ARMH1: variants seen among roughly 807,000 people sequenced by gnomAD.
ARMH1 encodes the protein armadillo-like helical domain containing protein 1.
Under a neutral mutation model 50.2 loss-of-function variants are expected in ARMH1, and 34 were observed. That is an observed-to-expected ratio of 0.68 (90% CI 0.51 to 0.90). The LOEUF is 0.90. ARMH1 is among the 40% of genes least tolerant of loss of function. The pLI, the probability that ARMH1 is intolerant of heterozygous loss-of-function variation, is 0.00. For missense variants in ARMH1, 538 were observed against 553.9 expected (o/e 0.97, Z 0.29); for synonymous variants, 221 against 224.2 (o/e 0.99, Z 0.13).
At chr1:44,720,268 C>T (rs1052701867) in intron 6 of ARMH1, among the ~76,000 whole-genome samples, 4 of 151,670 alleles carry the variant, frequency 2.6e-5, no homozygotes, top group Non-Finnish European at 5.9e-5. Flanking sequence ...TTCTGGCTCT[C>T]CAGCCTGTCC....
At chr1:44,709,397 G>A (rs1646479303) in intron 6 of ARMH1, among the ~76,000 whole-genome samples, 2 of 152,206 alleles carry the variant, frequency 1.3e-5, no homozygotes, top group Non-Finnish European at 2.9e-5. Context: ...TCTCAGGCAG[G>A]CGCGGTGGCT....
At chr1:44,706,534 G>C (rs1400014529) in intron 6 of ARMH1, among the ~76,000 whole-genome samples, 2 of 152,182 alleles carry the variant, frequency 1.3e-5, no homozygotes, top group East Asian at 3.8e-4. Flanking sequence ...ACGCAAGTGA[G>C]ATCCTGGGGA....
rs1034234871 is a variant in ARMH1 at position 44,724,568 on chromosome 1, C to T, written c.950C>T (p.Ala317Val). The change falls in exon 9 of 12, where the codon GCC becomes GTC. Residue 317 changes from alanine (A) to valine (V), a missense_variant. Coordinates refer to ENST00000535358, the MANE Select transcript of ARMH1 (RefSeq NM_001145636.2). This position sits in a 1 kb window ranked among gnomAD's most constrained non-coding sequence, Gnocchi z 6.4. ...CTGGCGCGCAACGACATGAGCATCG[C>T]CGAGGAGCTGCTGTACCTGCGCGTG... ...GVLARNDMSI[A>V]EELLYLRVVR... is the part of the protein sequence containing the mutation. 2 of 1,515,556 alleles carry T rather than the reference C, an allele frequency of 1.3e-6. No homozygotes were observed. Among genetic ancestry groups the T allele is most frequent in the Admixed American group, 4.1e-5 (2 of 48,614 alleles). The allele number at this position is 1,515,556 out of a possible 1,614,324, so 93.9% of individuals were successfully genotyped here. A position where few individuals can be genotyped will look rare whatever the true frequency, so the allele number is the denominator to read the frequency against.
At chr1:44,687,973 C>T (rs1645530884) in intron 1 of ARMH1, among the ~76,000 whole-genome samples, 1 of 152,146 alleles carries the variant, frequency 6.6e-6, no homozygotes, top group South Asian at 2.1e-4. Flanking sequence ...TAAGGCAGGG[C>T]AAGGGCACAC....
intron 6 of ARMH1, among the ~76,000 whole-genome samples, chr1:44,714,954 C>G (rs540963221): frequency 3.6e-4 from 55 of 151,978 alleles, no homozygotes; most frequent in African/African-American, 1.3e-3. Context: ...CTTGACAGCT[C>G]ACTGCAGCCT....
chr1:44,711,167 A>G (rs1646597304), intron 6 of ARMH1, among the ~76,000 whole-genome samples: 1 of 152,208 alleles, frequency 6.6e-6, no homozygotes, highest in Non-Finnish European at 1.5e-5. Context: ...ATCCACATAC[A>G]TGTAATTGAG....
At chr1:44,697,322 C>T (rs1347885361) in intron 3 of ARMH1, among the ~76,000 whole-genome samples, 152 bp downstream of exon 3, 1 of 152,000 alleles carries the variant, frequency 6.6e-6, no homozygotes, top group Non-Finnish European at 1.5e-5. Context: ...GTCCACCGGG[C>T]TCCTGCTCTA....
intron 6 of ARMH1, among the ~76,000 whole-genome samples, chr1:44,720,270 A>G (rs891438890): frequency 2.0e-5 from 3 of 150,848 alleles, no homozygotes; most frequent in African/African-American, 7.3e-5. Context: ...CTGGCTCTCC[A>G]GCCTGTCCAA....
intron 2 of ARMH1, among the ~76,000 whole-genome samples, chr1:44,691,726 C>T (rs2093721031): frequency 6.6e-6 from 1 of 152,162 alleles, no homozygotes; most frequent in African/African-American, 2.4e-5. Flanking sequence ...AGTTCCATAC[C>T]TATATATCCA....
intron 1 of ARMH1, among the ~76,000 whole-genome samples, chr1:44,686,298 C>G (rs1645470292): frequency 6.6e-6 from 1 of 152,132 alleles, no homozygotes; most frequent in Admixed American, 6.5e-5. Context: ...AAAAAAATGA[C>G]AATTATTAAC....
At chr1:44,719,096 G>T (rs557305438) in intron 6 of ARMH1, among the ~76,000 whole-genome samples, 2 of 151,666 alleles carry the variant, frequency 1.3e-5, no homozygotes, top group African/African-American at 4.9e-5. Context: ...GGTCCTCAGA[G>T]GAAAGGGTCT....
Position 44,724,440 on chromosome 1 carries a change from G to A in ARMH1, c.920+48G>A. The A allele has an allele frequency of 6.5e-7, 1 of 1,537,172 alleles. No homozygotes were observed. Among genetic ancestry groups the A allele is most frequent in the Middle Eastern group, 2.3e-4 (1 of 4,372 alleles). On this transcript the variant is annotated intron_variant, in intron 8 of 11. Transcript: ENST00000535358. The surrounding 1 kb of genome is among the most constrained non-coding windows in gnomAD (Gnocchi z 6.4). ...GTAGCTGCAGCAAGCCTGGCTTGGC[G>A]CTGCCGGCGGGCCCCGGGAGCGCTC...
Position 44,725,303 on chromosome 1 carries a change from A to C in ARMH1, c.1223A>C (p.His408Pro). The change falls in exon 12 of 12, where the codon CAT becomes CCT. Residue 408 changes from histidine to proline, a missense_variant. Coordinates refer to ENST00000535358, the MANE Select transcript of ARMH1 (RefSeq NM_001145636.2). Reference protein sequence around the residue: ...TVNVTKALCLHGSSYSMNTLY... With the variant: ...TVNVTKALCLPGSSYSMNTLY... ...TTCCTGCCTGCAGCCCTGTGCCTCC[A>C]TGGCAGCTCCTACAGCATGAACACT... 1 of 1,551,816 alleles carries C rather than the reference A, an allele frequency of 6.4e-7. No homozygotes were observed. Among genetic ancestry groups the C allele is most frequent in the East Asian group, 2.4e-5 (1 of 40,924 alleles).
intron 6 of ARMH1, among the ~76,000 whole-genome samples, chr1:44,715,061 G>A (rs1303831071): frequency 1.3e-5 from 2 of 152,106 alleles, no homozygotes; most frequent in African/African-American, 2.4e-5. Flanking sequence ...GTTTCTTACA[G>A]CAGTGCAACA....
intron 1 of ARMH1, chr1:44,684,354 T>C (rs1250180256): frequency 1.3e-5 from 2 of 152,220 alleles, no homozygotes; most frequent in Admixed American, 1.3e-4. Flanking sequence ...TAAATATACT[T>C]AATGTCTTTT....
At chr1:44,687,839 A>T (rs1305942678) in intron 1 of ARMH1, among the ~76,000 whole-genome samples, 1 of 152,174 alleles carries the variant, frequency 6.6e-6, no homozygotes, top group East Asian at 1.9e-4. Context: ...GGGGAGACTG[A>T]GGTCCAAGGA....
intron 3 of ARMH1, among the ~76,000 whole-genome samples, chr1:44,697,598 A>G (rs941589112): frequency 1.8e-4 from 28 of 152,178 alleles, no homozygotes; most frequent in African/African-American, 5.8e-4. Context: ...TCTGTATGCC[A>G]TGGTCCTCAG....
intron 6 of ARMH1, 56 bp downstream of exon 6, chr1:44,704,229 C>A: frequency 1.5e-6 from 2 of 1,308,460 alleles, no homozygotes; most frequent in South Asian, 2.5e-5. Context: ...TATCAGCTCT[C>A]AAAAGCTTTC....
chr1:44,700,581 A>T (rs962301534), intron 4 of ARMH1, among the ~76,000 whole-genome samples: 3 of 147,212 alleles, frequency 2.0e-5, no homozygotes, highest in Non-Finnish European at 4.4e-5. Flanking sequence ...GCACCACTGT[A>T]CTCCAGCCTG....
Sources: allele counts gnomAD v4.1 joint callset (sites outside exome capture counted in the v4.1 genomes callset), GRCh38; gene constraint gnomAD v4.1.1; non-coding constraint Gnocchi (gnomAD v3.1); transcripts MANE v1.5; gene names NCBI Gene and HGNC (gene_info 2026-07-23, HGNC 2026-07-21).